Variants in ROR2 observed in about 807,000 individuals in gnomAD.
ROR2 encodes the protein ROR family WNT receptor 2.
ROR2 carries 33 observed loss-of-function variants against 74.9 expected under a neutral mutation model. The observed-to-expected ratio is 0.44, with a 90% CI of 0.33 to 0.59. The LOEUF is 0.59. ROR2 is among the 20% of genes least tolerant of loss of function. ROR2 has a pLI of 0.02. For synonymous variants in ROR2, 586 were observed against 558.7 expected (o/e 1.05, Z -0.69); for missense variants, 1,216 against 1,313.8 (o/e 0.93, Z 1.15).
At chr9:91,920,231 G>A (rs1892269) in intron 1 of ROR2, among the ~76,000 whole-genome samples, 8,153 of 152,270 alleles carry the variant, frequency 0.054, 471 homozygotes, top group East Asian at 0.22. Context: ...CGATGGCCGG[G>A]CGTAGTGGCT....
chr9:91,836,298 G>C (rs1472493329), intron 1 of ROR2, among the ~76,000 whole-genome samples: 6 of 152,146 alleles, frequency 3.9e-5, no homozygotes, highest in Non-Finnish European at 7.4e-5. Context: ...CCAGCACTTT[G>C]GGAGGCTGAG....
intron 2 of ROR2, among the ~76,000 whole-genome samples, chr9:91,771,786 C>T (rs1332527840): frequency 1.3e-5 from 2 of 152,072 alleles, no homozygotes; most frequent in Non-Finnish European, 2.9e-5. Context: ...TGACCCAGGA[C>T]ATCTGAACAA....
intron 2 of ROR2, among the ~76,000 whole-genome samples, chr9:91,758,300 G>A (rs780627415): frequency 1.3e-5 from 2 of 152,196 alleles, no homozygotes; most frequent in African/African-American, 2.4e-5. Flanking sequence ...TGCAAATGAT[G>A]AGGATCAACT....
At chr9:91,811,730 G>C (rs950435499) in intron 1 of ROR2, among the ~76,000 whole-genome samples, 1 of 152,214 alleles carries the variant, frequency 6.6e-6, no homozygotes, top group Non-Finnish European at 1.5e-5. Flanking sequence ...TGCCTGCCCT[G>C]TTTCCCTGCA....
At chr9:91,948,565 C>A (rs9774945) in intron 1 of ROR2, 346,835 of 984,086 alleles carry the variant, frequency 0.35, 61,883 homozygotes, top group Admixed American at 0.5. Flanking sequence ...AAACTAAAAC[C>A]CCCCCCCAGG....
At chr9:91,793,542 C>A (rs1441195944) in intron 1 of ROR2, among the ~76,000 whole-genome samples, 1 of 152,038 alleles carries the variant, frequency 6.6e-6, no homozygotes. Flanking sequence ...GCGGGTGGAT[C>A]ATGAGGTCAG....
chr9:91,933,768 C>T (rs1044493058), intron 1 of ROR2, among the ~76,000 whole-genome samples: 1 of 152,126 alleles, frequency 6.6e-6, no homozygotes, highest in African/African-American at 2.4e-5. Flanking sequence ...ACATTTTCTA[C>T]ATAAAATTTC....
At chr9:91,760,526 C>G (rs576400912) in intron 2 of ROR2, among the ~76,000 whole-genome samples, 2 of 151,352 alleles carry the variant, frequency 1.3e-5, no homozygotes, top group African/African-American at 4.9e-5. Flanking sequence ...CCTTGCTACT[C>G]GGGAGGCTGA....
intron 1 of ROR2, chr9:91,948,772 T>C (rs1832081043): frequency 1.0e-6 from 1 of 985,336 alleles, no homozygotes; most frequent in South Asian, 4.7e-5. Flanking sequence ...AAGAAGTGTC[T>C]CACACATTCC....
chr9:91,949,815 C>T, intron 1 of ROR2, 52 bp downstream of exon 1: 1 of 1,189,010 alleles, frequency 8.4e-7, no homozygotes, highest in Non-Finnish European at 1.2e-6. Flanking sequence ...AAGGGCTGGC[C>T]AAGCGAGCCG....
chr9:91,722,629 G>A lies in ROR2; in HGVS notation c.*1033C>T, dbSNP rs749125538. On this transcript the variant is annotated 3_prime_UTR_variant, in exon 9 of 9. Transcript: ENST00000375708. The stretch of plus-strand genomic sequence containing the variant: ...TTTGTTTCACTTTATTGGATACACC[G>A]GGTGTGGGATTTACAAATAGGACCA... 12 of 779,666 alleles carry A rather than the reference G, an allele frequency of 1.5e-5. No homozygotes were observed. The highest frequency in any genetic ancestry group is 3.4e-5 in the African/African-American group (2 of 59,124). 48.3% of individuals were successfully genotyped at this position (779,666 alleles called of 1,614,324 possible).
chr9:91,911,895 G>A (rs1830991084), intron 1 of ROR2, among the ~76,000 whole-genome samples: 1 of 131,914 alleles, frequency 7.6e-6, no homozygotes. Flanking sequence ...CATTGTATCT[G>A]CTGTCTTCCT....
At chr9:91,911,589 A>C (rs1830983548) in intron 1 of ROR2, among the ~76,000 whole-genome samples, 3 of 152,196 alleles carry the variant, frequency 2.0e-5, no homozygotes, top group Non-Finnish European at 4.4e-5. Context: ...AAAGAATTCC[A>C]ATTAGTAAAT....
chr9:91,826,343 C>T (rs73651562), intron 1 of ROR2, among the ~76,000 whole-genome samples: 20,056 of 152,138 alleles, frequency 0.13, 3,016 homozygotes, highest in African/African-American at 0.37. Context: ...CTTATTTCAT[C>T]GTGTTTTTAA....
At chr9:91,747,507 C>T (rs185978192) in intron 4 of ROR2, among the ~76,000 whole-genome samples, 10 of 152,286 alleles carry the variant, frequency 6.6e-5, no homozygotes, top group African/African-American at 2.2e-4. Flanking sequence ...TAAGCCAAGG[C>T]GATACTACTA....
intron 1 of ROR2, among the ~76,000 whole-genome samples, chr9:91,786,246 G>C (rs1826797883): frequency 6.6e-6 from 1 of 150,460 alleles, no homozygotes; most frequent in South Asian, 2.1e-4. Context: ...AAGATCGCTT[G>C]AGCCTGGGAG....
intron 1 of ROR2, among the ~76,000 whole-genome samples, chr9:91,833,400 A>G (rs1828525174): frequency 6.6e-6 from 1 of 152,082 alleles, no homozygotes; most frequent in Non-Finnish European, 1.5e-5. Flanking sequence ...CTTTGCCCCA[A>G]CCGCTACTGT....
rs376714313 is a variant in ROR2, at chr9:91,846,922, G to A, written c.98-71104C>T. 1.0e-3 allele frequency among the ~76,000 whole-genome samples: 153 copies of A among 152,286 alleles called. 6 individuals carry two copies. The South Asian group carries it at 0.029, about 29-fold the overall frequency. ...CCTCCAGAAATTATCTGTCAAAGCG[G>A]CTATAGACATGTTTAAGAAGAGGTG... On this transcript the variant is annotated intron_variant, in intron 1 of 8. Transcript: ENST00000375708.
chr9:91,781,986 A>T (rs1185945279), intron 1 of ROR2, among the ~76,000 whole-genome samples: 1 of 152,238 alleles, frequency 6.6e-6, no homozygotes. Context: ...GTCAGGGGCC[A>T]AAGGAATATT....
Sources: gnomAD v4.1 joint callset for allele counts (sites outside exome capture counted in the v4.1 genomes callset) on GRCh38, gnomAD v4.1.1 for gene constraint, MANE v1.5 for transcripts, NCBI Gene and HGNC (gene_info 2026-07-23, HGNC 2026-07-21) for gene names.